DERA: variants seen among roughly 807,000 people sequenced by gnomAD.
DERA encodes 2-deoxy-D-ribose 5-phosphate aldolase.
Under a neutral mutation model 41.1 loss-of-function variants are expected in DERA, and 15 were observed. The observed-to-expected ratio is 0.37, with a 90% CI of 0.24 to 0.56. DERA has a LOEUF of 0.56. Among genes scored for constraint, DERA ranks in the 20% least tolerant of loss-of-function variants. The probability of loss-of-function intolerance (pLI) is 0.81; values close to 1 mark genes in which losing one functional copy is unlikely to be tolerated. For missense variants in DERA, 396 were observed against 403.4 expected (o/e 0.98, Z 0.16); for synonymous variants, 139 against 137.4 (o/e 1.01, Z -0.08).
In DERA at chr12:15,943,235, G is replaced by C. The variant is rs542954252; in HGVS notation, c.32-13701G>C. 2.6e-5 allele frequency among the ~76,000 whole-genome samples: 4 copies of C among 152,326 alleles called. No homozygotes were observed. The South Asian group carries it at 6.2e-4, about 24-fold the overall frequency. ...TCTCCAGGTGAGAATAACAGCACCAGAGATTGAGTAGCTCTTATTTGTTTG... is the reference window on the plus strand; with the variant it reads ...TCTCCAGGTGAGAATAACAGCACCACAGATTGAGTAGCTCTTATTTGTTTG... On this transcript the variant is annotated intron_variant, in intron 1 of 8. Transcript: ENST00000428559. This position sits in a 1 kb window ranked among gnomAD's most constrained non-coding sequence, Gnocchi z 4.5.
chr12:15,971,114 G>A (rs1428861739), intron 5 of DERA, among the ~76,000 whole-genome samples: 1 of 152,150 alleles, frequency 6.6e-6, no homozygotes, highest in Non-Finnish European at 1.5e-5. Context: ...GACTTCAACA[G>A]CCCCGGATTA....
chr12:16,011,392 C>T lies in DERA; in HGVS notation c.638-21150C>T, dbSNP rs556264615. On this transcript the variant is annotated intron_variant, in intron 6 of 8. Transcript: ENST00000428559. The surrounding 1 kb of genome is among the most constrained non-coding windows in gnomAD (Gnocchi z 4.7). Reference sequence around the variant, plus strand: ...TTTCGGAATATTTGCATATGCTTACCCTAACCTGGTTGAGCATCCCAAATC... The same window carrying T: ...TTTCGGAATATTTGCATATGCTTACTCTAACCTGGTTGAGCATCCCAAATC... Among the ~76,000 whole-genome samples the T allele has an allele frequency of 6.6e-6, 1 of 152,026 alleles. No individual in the cohort carries two copies. Among genetic ancestry groups the T allele is most frequent in the Non-Finnish European group, 1.5e-5 (1 of 68,012 alleles).
Position 16,000,372 on chromosome 12 carries a change from T to A in DERA, c.637+17936T>A, listed in dbSNP as rs1235053781. 6.6e-6 allele frequency among the ~76,000 whole-genome samples: 1 copy of A among 152,252 alleles called. No homozygotes were observed. The highest frequency in any genetic ancestry group is 2.4e-5 in the African/African-American group (1 of 41,468). On this transcript the variant is annotated intron_variant, in intron 6 of 8. Transcript: ENST00000428559. This position sits in a 1 kb window ranked among gnomAD's most constrained non-coding sequence, Gnocchi z 4.8. ...AAGGCTATGAAGGTGAAAGAAAGGC[T>A]ATTTTTTGGTTTAGAAAACATTAGC... is the stretch of plus-strand genomic sequence containing the variant.
In DERA at chr12:15,999,394, T is replaced by C. The variant is rs1948860154; in HGVS notation, c.637+16958T>C. 6.6e-6 allele frequency among the ~76,000 whole-genome samples: 1 copy of C among 152,208 alleles called. No individual in the cohort carries two copies. The highest frequency in any genetic ancestry group is 6.5e-5 in the Admixed American group (1 of 15,284). ...GAAGTGAAAAATAGGGTTTATGATT[T>C]GTCATTTTGGGAAAGCAGGTGATGT... On this transcript the variant is annotated intron_variant, in intron 6 of 8. Transcript: ENST00000428559. This position sits in a 1 kb window ranked among gnomAD's most constrained non-coding sequence, Gnocchi z 5.3.
intron 6 of DERA, among the ~76,000 whole-genome samples, chr12:16,024,405 G>T (rs1949039714): frequency 6.6e-6 from 1 of 152,078 alleles, no homozygotes. Flanking sequence ...CAAAAAGCCA[G>T]AGAAAGAAAA....
At chr12:15,960,597 C>A (rs4764231) in intron 4 of DERA, among the ~76,000 whole-genome samples, 143,841 of 143,842 alleles carry the variant, frequency 1, 71,920 homozygotes, top group Non-Finnish European at 1. Context: ...AGATCATGCC[C>A]CTGCACTCCA....
At chr12:15,930,448 C>T (rs1436774251) in intron 1 of DERA, among the ~76,000 whole-genome samples, 5 of 152,022 alleles carry the variant, frequency 3.3e-5, no homozygotes, top group Non-Finnish European at 7.4e-5. Flanking sequence ...CTTTTTTGAT[C>T]AGCATCTTTA....
chr12:16,004,365 C>T lies in DERA; in HGVS notation c.637+21929C>T, dbSNP rs74063612. ...ACCACTGCAGAAAAGAAAAGAAAAA[C>T]CCAACTCCTCCTTAACAATTTGTTC... is the stretch of plus-strand genomic sequence containing the variant. On this transcript the variant is annotated intron_variant, in intron 6 of 8. Transcript: ENST00000428559. This position sits in a 1 kb window ranked among gnomAD's most constrained non-coding sequence, Gnocchi z 4.2. Among the ~76,000 whole-genome samples the T allele has an allele frequency of 2.7e-4, 41 of 152,034 alleles. No homozygotes were observed. Among genetic ancestry groups the T allele is most frequent in the African/African-American group, 8.5e-4 (35 of 41,414 alleles).
rs1280773294 is a variant in DERA, at chr12:15,972,529, GC to G, written c.508+9583del. 6.4e-6 allele frequency: 1 copy of G among 155,412 alleles called. No homozygotes were observed. Among genetic ancestry groups the G allele is most frequent in the East Asian group, 1.9e-4 (1 of 5,350 alleles). The allele number at this position is 155,412 out of a possible 1,614,324, so 9.6% of individuals were successfully genotyped here. A position where few individuals can be genotyped will look rare whatever the true frequency, so the allele number is the denominator to read the frequency against. On this transcript the variant is annotated intron_variant, in intron 5 of 8. Coordinates refer to ENST00000428559, the MANE Select transcript of DERA (RefSeq NM_015954.4). The surrounding 1 kb of genome is among the most constrained non-coding windows in gnomAD (Gnocchi z 4.4). ...CCAGGAAGTTTTGCGGGTAGCAGAA[GC>G]TGACTTCCCGCAGACAGCGCATGAT...
At chr12:15,920,637 A>G (rs1948236291) in intron 1 of DERA, among the ~76,000 whole-genome samples, 1 of 152,120 alleles carries the variant, frequency 6.6e-6, no homozygotes, top group South Asian at 2.1e-4. Context: ...GATTGAGACC[A>G]TCCTGGCCAA....
At position 15,936,186 on chromosome 12, in the gene DERA, G is replaced by C. The variant is rs1948362995; in HGVS notation, c.32-20750G>C. ...GTCAGCTCTGTTAATTATGGAAGGGGCATGAATACTAGGAGGAGAGAATCA... is the reference window on the plus strand; with the variant it reads ...GTCAGCTCTGTTAATTATGGAAGGGCCATGAATACTAGGAGGAGAGAATCA... On this transcript the variant is annotated intron_variant, in intron 1 of 8. Transcript: ENST00000428559. This position sits in a 1 kb window ranked among gnomAD's most constrained non-coding sequence, Gnocchi z 4.6. Among the ~76,000 whole-genome samples, 1 of 152,220 alleles carries C rather than the reference G, an allele frequency of 6.6e-6. No homozygotes were observed.
rs1948748609 is a variant in DERA at position 15,984,009 on chromosome 12, G to A, written c.637+1573G>A. Among the ~76,000 whole-genome samples, 1 of 152,178 alleles carries A rather than the reference G, an allele frequency of 6.6e-6. No homozygotes were observed. Among genetic ancestry groups the A allele is most frequent in the African/African-American group, 2.4e-5 (1 of 41,446 alleles). ...AAAAGCCCCTTGGAGGCTACTTGGT[G>A]TACAGGTAGCCCCCCTTTATGCTGC... On this transcript the variant is annotated intron_variant, in intron 6 of 8. Coordinates refer to ENST00000428559, the MANE Select transcript of DERA (RefSeq NM_015954.4). This position sits in a 1 kb window ranked among gnomAD's most constrained non-coding sequence, Gnocchi z 4.5.
chr12:15,963,831 C>T (rs1386736479), intron 5 of DERA, among the ~76,000 whole-genome samples: 1 of 152,034 alleles, frequency 6.6e-6, no homozygotes, highest in African/African-American at 2.4e-5. Flanking sequence ...GCTTATTGGA[C>T]TTGCCTATTT....
intron 1 of DERA, among the ~76,000 whole-genome samples, chr12:15,929,101 G>T (rs1251543384): frequency 6.6e-6 from 1 of 152,200 alleles, no homozygotes; most frequent in African/African-American, 2.4e-5. Context: ...TGTCCCTGTG[G>T]AGCCCCACTA....
In DERA at chr12:16,020,088, T is replaced by G. The variant is rs1949008420; in HGVS notation, c.638-12454T>G. On this transcript the variant is annotated intron_variant, in intron 6 of 8. Coordinates refer to ENST00000428559, the MANE Select transcript of DERA (RefSeq NM_015954.4). This position sits in a 1 kb window ranked among gnomAD's most constrained non-coding sequence, Gnocchi z 5.5. ...ATTGTAAGCCTCCCAGGAGCCTCTC[T>G]AGGAGCAGATCCAAGCACCACACTT... 6.6e-6 allele frequency among the ~76,000 whole-genome samples: 1 copy of G among 152,202 alleles called. No homozygotes were observed. The highest frequency in any genetic ancestry group is 2.4e-5 in the African/African-American group (1 of 41,458).
chr12:15,937,071 C>G (rs1207080109), intron 1 of DERA, among the ~76,000 whole-genome samples: 1 of 152,258 alleles, frequency 6.6e-6, no homozygotes, highest in African/African-American at 2.4e-5. Flanking sequence ...CTCCTGGGCT[C>G]AGCCTCCTGT....
chr12:15,922,732 G>C lies in DERA; in HGVS notation c.31+11318G>C, dbSNP rs1231149081. ...TTTATCTGGGAAGGATACAGGATTG[G>C]GACCCAGGCACTTTAGTTGTAGACC... is the stretch of plus-strand genomic sequence containing the variant. On this transcript the variant is annotated intron_variant, in intron 1 of 8. Coordinates refer to ENST00000428559, the MANE Select transcript of DERA (RefSeq NM_015954.4). This position sits in a 1 kb window ranked among gnomAD's most constrained non-coding sequence, Gnocchi z 4.9. Among the ~76,000 whole-genome samples, 1 of 152,150 alleles carries C rather than the reference G, an allele frequency of 6.6e-6. No homozygotes were observed. Among genetic ancestry groups the C allele is most frequent in the East Asian group, 1.9e-4 (1 of 5,188 alleles).
At chr12:15,979,019 A>G (rs977681744) in intron 5 of DERA, among the ~76,000 whole-genome samples, 4 of 152,254 alleles carry the variant, frequency 2.6e-5, no homozygotes, top group African/African-American at 4.8e-5. Flanking sequence ...ATCAAACAAT[A>G]AACTAGTAGT....
rs1948944701 is a variant in DERA at position 16,011,249 on chromosome 12, C to T, written c.638-21293C>T. On this transcript the variant is annotated intron_variant, in intron 6 of 8. Coordinates refer to ENST00000428559, the MANE Select transcript of DERA (RefSeq NM_015954.4). This position sits in a 1 kb window ranked among gnomAD's most constrained non-coding sequence, Gnocchi z 4.7. Reference sequence around the variant, plus strand: ...TCTGGCTTATTTTGTTAAAATGTTTCTTCATTTTACTCATCTTTGCCAAAG... The same window carrying T: ...TCTGGCTTATTTTGTTAAAATGTTTTTTCATTTTACTCATCTTTGCCAAAG... Among the ~76,000 whole-genome samples the T allele has an allele frequency of 6.6e-6, 1 of 152,098 alleles. No homozygotes were observed. Among genetic ancestry groups the T allele is most frequent in the South Asian group, 2.1e-4 (1 of 4,830 alleles).
Sources: allele counts gnomAD v4.1 joint callset (sites outside exome capture counted in the v4.1 genomes callset), GRCh38; gene constraint gnomAD v4.1.1; non-coding constraint Gnocchi (gnomAD v3.1); transcripts MANE v1.5; gene names NCBI Gene and HGNC (gene_info 2026-07-23, HGNC 2026-07-21).